The following USH2A variants were observed in gnomAD, a reference collection of about 807,000 sequenced individuals.
USH2A encodes Usher syndrome 2A (autosomal recessive, mild).
Under a neutral mutation model 538.9 loss-of-function variants are expected in USH2A, and 443 were observed. The ratio of observed to expected loss-of-function variants is 0.82; its 90% CI spans 0.76 to 0.89. The LOEUF (loss-of-function observed/expected upper bound fraction) is 0.89, where lower values mean the gene tolerates loss of function less well. USH2A is among the 40% of genes least tolerant of loss of function. USH2A has a pLI of 0.00. For synonymous variants in USH2A, 2,413 were observed against 2,273.5 expected (o/e 1.06, Z -1.75); for missense variants, 6,633 against 6,324.8 (o/e 1.05, Z -1.65).
intron 56 of USH2A, among the ~76,000 whole-genome samples, chr1:215,760,087 T>C (rs188759503): frequency 5.2e-4 from 79 of 152,322 alleles, no homozygotes; most frequent in African/African-American, 1.9e-3. Context: ...TCTGCCTTGG[T>C]TGTCACTCTG....
At chr1:216,226,996 C>A (rs907567650) in intron 14 of USH2A, among the ~76,000 whole-genome samples, 2 of 152,282 alleles carry the variant, frequency 1.3e-5, no homozygotes, top group African/African-American at 4.8e-5. Flanking sequence ...AGACACATGT[C>A]ACCCTTCAAG....
chr1:216,243,330 T>C lies in USH2A; in HGVS notation c.2809+3255A>G, dbSNP rs147364371. ...TCTATCAATAAAAGTACAAAACTCATGGTCATTAAAAGCATCTATTCGGAA... is the reference window on the plus strand; with the variant it reads ...TCTATCAATAAAAGTACAAAACTCACGGTCATTAAAAGCATCTATTCGGAA... On this transcript the variant is annotated intron_variant, in intron 13 of 71. Coordinates refer to ENST00000307340, the MANE Select transcript of USH2A (RefSeq NM_206933.4). Among the ~76,000 whole-genome samples the C allele has an allele frequency of 4.1e-3, 619 of 152,292 alleles. 8 individuals are homozygous for C. Among genetic ancestry groups the C allele is most frequent in the African/African-American group, 0.014 (592 of 41,562 alleles).
At chr1:216,415,733 C>G (rs1044979707) in intron 3 of USH2A, among the ~76,000 whole-genome samples, 1 of 151,790 alleles carries the variant, frequency 6.6e-6, no homozygotes, top group African/African-American at 2.4e-5. Flanking sequence ...TGCCATGTTG[C>G]CCAGGCTGGC....
intron 32 of USH2A, among the ~76,000 whole-genome samples, chr1:216,043,021 T>G (rs1558227618): frequency 6.6e-6 from 1 of 152,096 alleles, no homozygotes; most frequent in Non-Finnish European, 1.5e-5. Flanking sequence ...TGAGAAATAC[T>G]TTTCTATTAA....
At chr1:215,645,329 G>A (rs1247235438) in intron 67 of USH2A, among the ~76,000 whole-genome samples, 2 of 152,016 alleles carry the variant, frequency 1.3e-5, no homozygotes, top group Admixed American at 6.5e-5. Context: ...CAGTGACCAT[G>A]AGTTCAGAGT....
intron 33 of USH2A, 74 bp from the exon 34 acceptor site, chr1:215,999,132 A>C: frequency 1.6e-6 from 2 of 1,268,502 alleles, no homozygotes; most frequent in South Asian, 1.3e-5. Flanking sequence ...CAAAGGACAC[A>C]TTTGAACTTG....
chr1:215,913,561 G>A lies in USH2A; in HGVS notation c.7301-12656C>T, dbSNP rs75975032. 3.1e-3 allele frequency among the ~76,000 whole-genome samples: 474 copies of A among 152,188 alleles called. 1 individual carries two copies. Among genetic ancestry groups the A allele is most frequent in the Non-Finnish European group, 4.8e-3 (326 of 67,982 alleles). On this transcript the variant is annotated intron_variant, in intron 38 of 71. Transcript: ENST00000307340. ...CAGATAAAGAGTCTGAAATGTATAC[G>A]AAGGAGATGGGGAATCACTAATTCC...
At chr1:216,254,358 C>G (rs1210758767) in intron 11 of USH2A, among the ~76,000 whole-genome samples, 1 of 152,048 alleles carries the variant, frequency 6.6e-6, no homozygotes, top group Admixed American at 6.6e-5. Context: ...TACTCATACT[C>G]TAAAACCAAT....
At chr1:215,668,544 G>C (rs1407445763) in intron 64 of USH2A, among the ~76,000 whole-genome samples, 6 of 152,186 alleles carry the variant, frequency 3.9e-5, no homozygotes, top group Non-Finnish European at 8.8e-5. Context: ...ACTTTCATTT[G>C]AGTGAGATGA....
In USH2A at chr1:215,627,434, TTCCTTCCTTCC is replaced by T. The variant is rs1558027454; in HGVS notation, c.15519+1369_15519+1379del. Among the ~76,000 whole-genome samples the T allele has an allele frequency of 6.6e-3, 680 of 102,680 alleles. 12 individuals are homozygous for T. The highest frequency in any genetic ancestry group is 0.01 in the Admixed American group (107 of 10,562). The allele number at this position is 102,680 out of a possible 152,430, so 67.4% of individuals were successfully genotyped here. On this transcript the variant is annotated intron_variant, in intron 71 of 71. Coordinates refer to ENST00000307340, the MANE Select transcript of USH2A (RefSeq NM_206933.4). ...CTTCCTTCCTTCCTTCCTTCCTTCC[TTCCTTCCTTCC>T]TTCCTTCCTTCCTTCCTTCCTTCCT...
chr1:216,356,626 C>A (rs1462060294), intron 4 of USH2A, among the ~76,000 whole-genome samples: 1 of 151,906 alleles, frequency 6.6e-6, no homozygotes, highest in Non-Finnish European at 1.5e-5. Context: ...GAACCCATTG[C>A]CATGTACATA....
intron 4 of USH2A, among the ~76,000 whole-genome samples, chr1:216,328,344 A>G (rs1035475575): frequency 6.6e-6 from 1 of 151,850 alleles, no homozygotes; most frequent in Non-Finnish European, 1.5e-5. Context: ...CTTAATCCAC[A>G]TGGTATTATT....
At chr1:216,073,777 T>C (rs184561353) in intron 27 of USH2A, among the ~76,000 whole-genome samples, 48 of 152,364 alleles carry the variant, frequency 3.2e-4, no homozygotes, top group Non-Finnish European at 6.2e-4. Context: ...GAGCATTTTA[T>C]GTAGAATACC....
chr1:215,758,852 G>T, intron 57 of USH2A, 100 bp from the exon 58 acceptor site: 1 of 1,333,122 alleles, frequency 7.5e-7, no homozygotes, highest in Non-Finnish European at 1.1e-6. Context: ...CTAAATTTGT[G>T]ACAAATTGCA....
chr1:215,845,225 C>T (rs1175305506), intron 45 of USH2A, among the ~76,000 whole-genome samples: 1 of 152,116 alleles, frequency 6.6e-6, no homozygotes, highest in Non-Finnish European at 1.5e-5. Flanking sequence ...GGGTTCCACA[C>T]TTAAAGAGCT....
At chr1:216,087,513 G>A (rs1467209790) in intron 23 of USH2A, among the ~76,000 whole-genome samples, 1 of 151,936 alleles carries the variant, frequency 6.6e-6, no homozygotes, top group Non-Finnish European at 1.5e-5. Context: ...AGGCTTGCTC[G>A]ACATTAAGGG....
rs576137113 is a variant in USH2A at position 215,895,721 on chromosome 1, G to A, written c.7594+4354C>T. ...AAAATAACAAGATGTAATGCAATGA[G>A]CAAATATAGCATGGCAATGGTACAG... is the stretch of plus-strand genomic sequence containing the variant. On this transcript the variant is annotated intron_variant, in intron 40 of 71. Transcript: ENST00000307340. Among the ~76,000 whole-genome samples the A allele has an allele frequency of 6.6e-5, 10 of 152,300 alleles. No individual in the cohort carries two copies. In the South Asian group the frequency reaches 1.4e-3, roughly 22 times the overall value.
At chr1:216,355,137 G>A (rs904398684) in intron 4 of USH2A, among the ~76,000 whole-genome samples, 4 of 151,572 alleles carry the variant, frequency 2.6e-5, no homozygotes, top group East Asian at 3.9e-4. Flanking sequence ...GTGAAACACG[G>A]TCTCTACTGA....
At chr1:215,720,279 G>A (rs1008317865) in intron 61 of USH2A, among the ~76,000 whole-genome samples, 1 of 152,114 alleles carries the variant, frequency 6.6e-6, no homozygotes, top group Admixed American at 6.5e-5. Flanking sequence ...CCCTTTCAAG[G>A]CATGCAAGGA....
Sources: gnomAD v4.1 joint callset for allele counts (sites outside exome capture counted in the v4.1 genomes callset) on GRCh38, gnomAD v4.1.1 for gene constraint, MANE v1.5 for transcripts, NCBI Gene and HGNC (gene_info 2026-07-23, HGNC 2026-07-21) for gene names.